The following SLC24A3 variants were observed in gnomAD, a reference collection of about 807,000 sequenced individuals.
SLC24A3 encodes sodium/potassium/calcium exchanger 3.
Under a neutral mutation model 75.8 loss-of-function variants are expected in SLC24A3, and 28 were observed. The ratio of observed to expected loss-of-function variants is 0.37; its 90% CI spans 0.27 to 0.51. SLC24A3 has a LOEUF of 0.51. Ranked by LOEUF, SLC24A3 falls within the 20% of genes least tolerant of loss-of-function variation. The probability of loss-of-function intolerance (pLI) is 0.94; values close to 1 mark genes in which losing one functional copy is unlikely to be tolerated. For synonymous variants in SLC24A3, 372 were observed against 334.1 expected (o/e 1.11, Z -1.24); for missense variants, 663 against 847.8 (o/e 0.78, Z 2.71).
At chr20:19,228,243 T>C (rs1448662994) in intron 1 of SLC24A3, among the ~76,000 whole-genome samples, 2 of 152,196 alleles carry the variant, frequency 1.3e-5, no homozygotes, top group African/African-American at 2.4e-5. Flanking sequence ...GTTGGAAGAC[T>C]ATGTGCTGTC....
chr20:19,530,095 T>G (rs995580077), intron 3 of SLC24A3, among the ~76,000 whole-genome samples: 23 of 152,074 alleles, frequency 1.5e-4, no homozygotes, highest in African/African-American at 5.6e-4. Flanking sequence ...TTTATTTTTT[T>G]AAAAAGAGTG....
chr20:19,578,575 G>C (rs904280546), intron 3 of SLC24A3, among the ~76,000 whole-genome samples: 1 of 151,918 alleles, frequency 6.6e-6, no homozygotes, highest in African/African-American at 2.4e-5. Context: ...GGGCATGGAT[G>C]TTCTATGGCT....
chr20:19,216,140 C>A (rs1389420475), intron 1 of SLC24A3, among the ~76,000 whole-genome samples: 1 of 152,168 alleles, frequency 6.6e-6, no homozygotes, highest in Non-Finnish European at 1.5e-5. Context: ...ATGAAGATCT[C>A]ATTTTTGATC....
chr20:19,522,692 C>T (rs1158226391), intron 3 of SLC24A3, among the ~76,000 whole-genome samples: 1 of 152,214 alleles, frequency 6.6e-6, no homozygotes, highest in Admixed American at 6.5e-5. Context: ...GAGCTGCCCT[C>T]CTTGTGAGCA....
At chr20:19,687,271 C>T (rs901363728) in intron 12 of SLC24A3, among the ~76,000 whole-genome samples, 3 of 152,140 alleles carry the variant, frequency 2.0e-5, no homozygotes, top group African/African-American at 7.2e-5. Flanking sequence ...CCACAGAGCC[C>T]CTCCACCTTC....
rs1378800343 is a variant in SLC24A3, at chr20:19,721,148, G to A, written c.*8G>A. The A allele has an allele frequency of 6.2e-7, 1 of 1,613,806 alleles. No homozygotes were observed. Among genetic ancestry groups the A allele is most frequent in the Middle Eastern group, 1.7e-4 (1 of 6,056 alleles). On this transcript the variant is annotated 3_prime_UTR_variant, in exon 17 of 17. Transcript: ENST00000328041. ...ATGTGCGGGGACCACTGAGCCGCCGGGTGCCCACAGAGGCTCAGCTCCTTC... is the reference window on the plus strand; with the variant it reads ...ATGTGCGGGGACCACTGAGCCGCCGAGTGCCCACAGAGGCTCAGCTCCTTC...
At chr20:19,513,488 C>T (rs545504578) in intron 2 of SLC24A3, among the ~76,000 whole-genome samples, 4 of 152,224 alleles carry the variant, frequency 2.6e-5, no homozygotes, top group Non-Finnish European at 5.9e-5. Flanking sequence ...CATCCCTCTG[C>T]CCCTCACATT....
chr20:19,579,709 G>A (rs1342546722), intron 3 of SLC24A3, among the ~76,000 whole-genome samples: 1 of 152,190 alleles, frequency 6.6e-6, no homozygotes, highest in African/African-American at 2.4e-5. Context: ...GATATCTTGG[G>A]GCAGAGTGTT....
intron 6 of SLC24A3, among the ~76,000 whole-genome samples, chr20:19,600,062 C>A (rs2031508132): frequency 6.6e-6 from 1 of 152,140 alleles, no homozygotes; most frequent in South Asian, 2.1e-4. Context: ...AGGTTGAAGG[C>A]CCGTGGGGGT....
intron 2 of SLC24A3, among the ~76,000 whole-genome samples, chr20:19,474,261 G>A (rs1987924256): frequency 6.6e-6 from 1 of 152,178 alleles, no homozygotes; most frequent in Non-Finnish European, 1.5e-5. Context: ...GATCAAGAAG[G>A]CCCTGTGTCC....
intron 2 of SLC24A3, among the ~76,000 whole-genome samples, chr20:19,291,529 G>A (rs1366127082): frequency 6.6e-6 from 1 of 152,224 alleles, no homozygotes; most frequent in Non-Finnish European, 1.5e-5. Flanking sequence ...AGTTTAAATA[G>A]GTACATGTCT....
chr20:19,628,408 GA>G (rs1356782698), intron 6 of SLC24A3, among the ~76,000 whole-genome samples: 1 of 152,006 alleles, frequency 6.6e-6, no homozygotes, highest in Non-Finnish European at 1.5e-5. Context: ...GAGAACATCA[GA>G]AACCAGTTGA....
chr20:19,671,135 A>G (rs1415860405), intron 8 of SLC24A3, among the ~76,000 whole-genome samples: 1 of 152,180 alleles, frequency 6.6e-6, no homozygotes, highest in Admixed American at 6.5e-5. Context: ...TGCTTGGAGG[A>G]GGTGATATTT....
intron 3 of SLC24A3, among the ~76,000 whole-genome samples, chr20:19,541,991 C>G (rs1487161436): frequency 6.6e-6 from 1 of 152,144 alleles, no homozygotes; most frequent in Non-Finnish European, 1.5e-5. Context: ...TTTTCCAAAC[C>G]AACGCAATAC....
intron 6 of SLC24A3, among the ~76,000 whole-genome samples, chr20:19,620,509 T>G (rs1190492856): frequency 2.0e-5 from 3 of 152,178 alleles, no homozygotes. Context: ...CTCAGCAGTT[T>G]GACATTAAAG....
chr20:19,299,198 A>ATGTGTGTGTGTGTG (rs57048749), intron 2 of SLC24A3, among the ~76,000 whole-genome samples: 5,963 of 144,948 alleles, frequency 0.041, 394 homozygotes, highest in East Asian at 0.23. Flanking sequence ...GTGTGTGTGT[A>ATGTGTGTGTGTGTG]TGTGTGTGTG....
At position 19,383,051 on chromosome 20, in the gene SLC24A3, G is replaced by A. The variant is rs573156588; in HGVS notation, c.271+101964G>A. On this transcript the variant is annotated intron_variant, in intron 2 of 16. Transcript: ENST00000328041. Reference sequence around the variant, plus strand: ...AAGTGATTCCAGTCTGATTCTCGAAGTGCAAGTGGTAAAGTCACCAAGCCT... The same window carrying A: ...AAGTGATTCCAGTCTGATTCTCGAAATGCAAGTGGTAAAGTCACCAAGCCT... Among the ~76,000 whole-genome samples the A allele has an allele frequency of 1.3e-4, 20 of 152,320 alleles. No individual in the cohort carries two copies. In the South Asian group the frequency reaches 3.5e-3, roughly 27 times the overall value.
intron 1 of SLC24A3, among the ~76,000 whole-genome samples, chr20:19,270,459 C>G (rs895987269): frequency 6.6e-6 from 1 of 152,176 alleles, no homozygotes; most frequent in Non-Finnish European, 1.5e-5. Flanking sequence ...CCTCACAGTT[C>G]TGGAGCCTGG....
rs993584936 is a variant in SLC24A3 at position 19,360,830 on chromosome 20, T to A, written c.271+79743T>A. ...TATTGAAGTACTAGCATGCAGAAAT[T>A]TTTTTTTTTTTTTTGAGACGGAGTC... is the stretch of plus-strand genomic sequence containing the variant. On this transcript the variant is annotated intron_variant, in intron 2 of 16. Coordinates refer to ENST00000328041, the MANE Select transcript of SLC24A3 (RefSeq NM_020689.4). Among the ~76,000 whole-genome samples, 19 of 34,644 alleles carry A rather than the reference T, an allele frequency of 5.5e-4. No homozygotes were observed. In the South Asian group the frequency reaches 9.7e-3, roughly 18 times the overall value. The allele number at this position is 34,644 out of a possible 152,430, so 22.7% of individuals were successfully genotyped here. A position where few individuals can be genotyped will look rare whatever the true frequency, so the allele number is the denominator to read the frequency against.
Sources: gnomAD v4.1 joint callset for allele counts (sites outside exome capture counted in the v4.1 genomes callset) on GRCh38, gnomAD v4.1.1 for gene constraint, MANE v1.5 for transcripts, NCBI Gene and HGNC (gene_info 2026-07-23, HGNC 2026-07-21) for gene names.